Variants in VWA3A observed in about 807,000 individuals in gnomAD.
VWA3A encodes von Willebrand factor A domain-containing protein 3A.
Under a neutral mutation model 160.4 loss-of-function variants are expected in VWA3A, and 134 were observed. That is an observed-to-expected ratio of 0.84 (90% CI 0.73 to 0.96). The LOEUF is 0.96. Among genes scored for constraint, VWA3A ranks in the 40% least tolerant of loss-of-function variants. The pLI, the probability that VWA3A is intolerant of heterozygous loss-of-function variation, is 0.00. For synonymous variants in VWA3A, 476 were observed against 543.4 expected (o/e 0.88, Z 1.72); for missense variants, 1,310 against 1,447.9 (o/e 0.90, Z 1.55).
intron 26 of VWA3A, 26 bp from the exon 27 acceptor site, chr16:22,146,210 G>T (rs369162507): frequency 6.3e-7 from 1 of 1,577,332 alleles, no homozygotes; most frequent in Non-Finnish European, 8.7e-7. Context: ...TGGGGTGGGT[G>T]CTTGCCTCTG....
chr16:22,144,226 G>A (rs963696978), intron 25 of VWA3A, 21 bp from the exon 26 acceptor site: 5 of 1,601,622 alleles, frequency 3.1e-6, no homozygotes, highest in Non-Finnish European at 4.3e-6. Context: ...TAAGATAATA[G>A]TTCTTTCCTT....
At chr16:22,097,323 G>A (rs1018161050) in intron 2 of VWA3A, among the ~76,000 whole-genome samples, 4 of 151,380 alleles carry the variant, frequency 2.6e-5, no homozygotes, top group South Asian at 2.1e-4. Flanking sequence ...GGAGCTGAGG[G>A]TGAGACTGGG....
intron 21 of VWA3A, 28 bp from the exon 22 acceptor site, chr16:22,138,332 G>A: frequency 6.4e-7 from 1 of 1,561,804 alleles, no homozygotes; most frequent in Non-Finnish European, 8.7e-7. Context: ...GGCTGGGGGT[G>A]CCACTGACCC....
intron 21 of VWA3A, 73 bp downstream of exon 21, chr16:22,134,511 A>C: frequency 7.6e-7 from 1 of 1,313,606 alleles, no homozygotes; most frequent in Non-Finnish European, 1.0e-6. Flanking sequence ...TAACTGCCAC[A>C]AACTGGGTGG....
At chr16:22,111,132 G>T (rs1669763124) in intron 8 of VWA3A, 138 bp downstream of exon 8, 1 of 705,140 alleles carries the variant, frequency 1.4e-6, no homozygotes, top group Non-Finnish European at 2.2e-6. Context: ...ACTCACAAAA[G>T]CAGAAACAAT....
chr16:22,111,064 T>C (rs1044351243), intron 8 of VWA3A, 70 bp downstream of exon 8: 1 of 1,366,656 alleles, frequency 7.3e-7, no homozygotes, highest in Non-Finnish European at 1.0e-6. Flanking sequence ...AGAGTCTTTA[T>C]TGAATAATTC....
chr16:22,128,144 A>G (rs754889160), intron 17 of VWA3A, among the ~76,000 whole-genome samples: 7 of 152,234 alleles, frequency 4.6e-5, no homozygotes, highest in Non-Finnish European at 8.8e-5. Flanking sequence ...TGACAGAAAT[A>G]CCAGGTGATG....
intron 31 of VWA3A, among the ~76,000 whole-genome samples, chr16:22,153,544 G>A (rs1433580517): frequency 6.6e-6 from 1 of 152,074 alleles, no homozygotes; most frequent in Non-Finnish European, 1.5e-5. Flanking sequence ...TAAGTAATAA[G>A]TCTAGTAAAG....
Position 22,111,654 on chromosome 16 carries a change from G to A in VWA3A, c.689+660G>A, listed in dbSNP as rs141504261. On this transcript the variant is annotated intron_variant, in intron 8 of 33. Coordinates refer to ENST00000389398, the MANE Select transcript of VWA3A (RefSeq NM_173615.5). ...GCACTACCACGCCCAGCTAATTTTT[G>A]TATTTTTTGGTAGAGACAGGGTTTC... is the stretch of plus-strand genomic sequence containing the variant. Among the ~76,000 whole-genome samples, 150 of 152,136 alleles carry A rather than the reference G, an allele frequency of 9.9e-4. 2 individuals carry two copies. In the East Asian group the frequency reaches 0.026, roughly 27 times the overall value.
chr16:22,115,431 T>G lies in VWA3A; in HGVS notation c.774T>G (p.Thr258=). 6.2e-7 allele frequency: 1 copy of G among 1,607,918 alleles called. No homozygotes were observed. The highest frequency in any genetic ancestry group is 1.7e-5 in the Admixed American group (1 of 59,192). The change falls in exon 9 of 34, where the codon ACT becomes ACG. Residue 258 remains threonine (T), a synonymous_variant. Coordinates refer to ENST00000389398, the MANE Select transcript of VWA3A (RefSeq NM_173615.5). ...TACAAGCTCTGAAGAAGATCTTCAC[T>G]CTCAAGGGACTGGATTCCCTGGTGG... ...NLLQALKKIF[T]LKGLDSLVAI...
rs775324126 is a variant in VWA3A at position 22,121,043 on chromosome 16, A to G, written c.1192A>G (p.Ile398Val). Residue 398 changes from isoleucine (I) to valine (V), a missense_variant, in exon 13 of 34, where the codon ATT (isoleucine) becomes GTT (valine). Physicochemically the swap from Ile to Val is conservative, Grantham distance 29. Coordinates refer to ENST00000389398, the MANE Select transcript of VWA3A (RefSeq NM_173615.5). ...KPPKHDAPLT[I>V]EFPNLDKTSA... ...CCCAAAGCATGACGCTCCTCTCACCATTGAGTTTCCAAACTTGGACAAGAC... is the reference window on the plus strand; with the variant it reads ...CCCAAAGCATGACGCTCCTCTCACCGTTGAGTTTCCAAACTTGGACAAGAC... 1.9e-6 allele frequency: 3 copies of G among 1,613,886 alleles called. No individual in the cohort carries two copies. Among genetic ancestry groups the G allele is most frequent in the African/African-American group, 2.7e-5 (2 of 74,916 alleles).
Position 22,149,830 on chromosome 16 carries a change from G to GGGA in VWA3A, c.3028_3029insGGA (p.Asp1010delinsGlyAsn). On this transcript the variant is annotated protein_altering_variant, in exon 29 of 34. Coordinates refer to ENST00000389398, the MANE Select transcript of VWA3A (RefSeq NM_173615.5). ...TGCAGAGAGCTTTCAGTCATGGCAG[G>GGGA]ACACGCTGGTGGAGACCACAGATGC... 1 of 1,605,690 alleles carries GGGA rather than the reference G, an allele frequency of 6.2e-7. No individual in the cohort carries two copies. The highest frequency in any genetic ancestry group is 8.5e-7 in the Non-Finnish European group (1 of 1,175,738).
Position 22,138,843 on chromosome 16 carries a change from G to A in VWA3A, c.2292+331G>A, listed in dbSNP as rs559455240. Among the ~76,000 whole-genome samples the A allele has an allele frequency of 5.9e-5, 9 of 152,162 alleles. No individual in the cohort carries two copies. In the East Asian group the frequency reaches 1.7e-3, roughly 29 times the overall value. ...GCTTATCCTGGAGAGTCTCTCGGGGGCAAAGGAATTATGGTCTCTAAGGGC... is the reference window on the plus strand; with the variant it reads ...GCTTATCCTGGAGAGTCTCTCGGGGACAAAGGAATTATGGTCTCTAAGGGC... On this transcript the variant is annotated intron_variant, in intron 22 of 33. Coordinates refer to ENST00000389398, the MANE Select transcript of VWA3A (RefSeq NM_173615.5).
At chr16:22,140,278 G>A in intron 23 of VWA3A, 34 bp downstream of exon 23, 1 of 1,601,968 alleles carries the variant, frequency 6.2e-7, no homozygotes, top group Non-Finnish European at 8.5e-7. Flanking sequence ...AGGGTGGAGG[G>A]ATGTCACGGT....
In VWA3A at chr16:22,142,649, C is replaced by G; in HGVS notation, c.2495-19C>G. ...CAACCATCCAAACTATAGCAATGACCTCACTCTGCTTCTTCTAGGCTCAGT... is the reference window on the plus strand; with the variant it reads ...CAACCATCCAAACTATAGCAATGACGTCACTCTGCTTCTTCTAGGCTCAGT... On this transcript the variant is annotated intron_variant, in intron 24 of 33. Transcript: ENST00000389398. The G allele has an allele frequency of 1.3e-6, 2 of 1,543,864 alleles. No homozygotes were observed. The highest frequency in any genetic ancestry group is 1.8e-6 in the Non-Finnish European group (2 of 1,138,776).
intron 31 of VWA3A, 96 bp downstream of exon 31, chr16:22,152,730 G>A: frequency 1.3e-6 from 2 of 1,507,920 alleles, no homozygotes; most frequent in Non-Finnish European, 1.8e-6. Flanking sequence ...CTGGGCTCAA[G>A]TGAACCTCCC....
At chr16:22,092,745 A>G (rs1050834972) in intron 1 of VWA3A, 94 bp downstream of exon 1, 4 of 1,499,712 alleles carry the variant, frequency 2.7e-6, no homozygotes, top group Non-Finnish European at 3.6e-6. Flanking sequence ...AGATCGAGGG[A>G]GCTTGGGGTG....
In VWA3A at chr16:22,151,584, T is replaced by G. The variant is rs2046348731; in HGVS notation, c.3281+738T>G. 1.3e-5 allele frequency among the ~76,000 whole-genome samples: 2 copies of G among 152,130 alleles called. 1 individual carries two copies. Among genetic ancestry groups the G allele is most frequent in the South Asian group, 4.1e-4 (2 of 4,828 alleles). On this transcript the variant is annotated intron_variant, in intron 30 of 33. Transcript: ENST00000389398. Reference sequence around the variant, plus strand: ...TTATAAACGATCACTATAGACCATGTGCTATGACCGGGCACAATGGCTCAT... The same window carrying G: ...TTATAAACGATCACTATAGACCATGGGCTATGACCGGGCACAATGGCTCAT...
At chr16:22,103,625 A>T in intron 6 of VWA3A, 96 bp downstream of exon 6, 1 of 1,421,502 alleles carries the variant, frequency 7.0e-7, no homozygotes, top group Non-Finnish European at 9.6e-7. Context: ...TCCAATATAA[A>T]TTGCTTAAGC....
Sources: allele counts gnomAD v4.1 joint callset (sites outside exome capture counted in the v4.1 genomes callset), GRCh38; gene constraint gnomAD v4.1.1; transcripts MANE v1.5; gene names NCBI Gene and HGNC (gene_info 2026-07-23, HGNC 2026-07-21).